Variants in FHIT observed in about 807,000 individuals in gnomAD.
FHIT encodes the protein bis(5'-adenosyl)-triphosphatase.
A neutral mutation model predicts 17.9 loss-of-function variants in FHIT; 19 were observed. The observed-to-expected ratio is 1.06, with a 90% CI of 0.74 to 1.56. The LOEUF (loss-of-function observed/expected upper bound fraction) is 1.56. FHIT is among the 40% of genes most tolerant of loss of function. The probability of loss-of-function intolerance (pLI) is 0.00; values close to 1 mark genes in which losing one functional copy is unlikely to be tolerated. For missense variants in FHIT, 248 were observed against 189.2 expected (o/e 1.31, Z -1.82); for synonymous variants, 81 against 69.7 (o/e 1.16, Z -0.81).
intron 2 of FHIT, among the ~76,000 whole-genome samples, chr3:61,126,620 G>A (rs1166682598): frequency 6.6e-6 from 1 of 152,108 alleles, no homozygotes; most frequent in African/African-American, 2.4e-5. Context: ...TCAACACATG[G>A]GGATTATAAG....
chr3:60,077,950 T>C (rs1042352493), intron 5 of FHIT, among the ~76,000 whole-genome samples: 2 of 152,012 alleles, frequency 1.3e-5, no homozygotes, highest in African/African-American at 2.4e-5. Context: ...GTATCCCATA[T>C]CATACTTTAA....
chr3:61,166,771 C>T (rs1417170754), intron 2 of FHIT, among the ~76,000 whole-genome samples: 3 of 152,184 alleles, frequency 2.0e-5, no homozygotes, highest in African/African-American at 4.8e-5. Flanking sequence ...GTTCATAAAG[C>T]ACCTACTCAT....
chr3:59,808,144 G>T (rs1315672049), intron 8 of FHIT, among the ~76,000 whole-genome samples: 4 of 152,168 alleles, frequency 2.6e-5, no homozygotes, highest in African/African-American at 7.2e-5. Flanking sequence ...CTATCAATTT[G>T]CCTATTATGG....
chr3:59,954,226 TTTTTC>T (rs1052679867), intron 7 of FHIT, among the ~76,000 whole-genome samples: 1 of 150,450 alleles, frequency 6.6e-6, no homozygotes, highest in Non-Finnish European at 1.5e-5. Flanking sequence ...GTTCTGTTTT[TTTTTC>T]TTTTTTTTCC....
At chr3:59,891,457 G>A (rs1703852855) in intron 8 of FHIT, among the ~76,000 whole-genome samples, 1 of 152,190 alleles carries the variant, frequency 6.6e-6, no homozygotes, top group Non-Finnish European at 1.5e-5. Context: ...AACCTGAGAA[G>A]GACTGAGGCT....
chr3:60,690,332 C>T, intron 4 of FHIT: 1 of 568,642 alleles, frequency 1.8e-6, no homozygotes, highest in Non-Finnish European at 3.4e-6. Flanking sequence ...TTCACCCTGC[C>T]AAAGACCACT....
At chr3:60,557,975 A>G (rs1314909564) in intron 4 of FHIT, among the ~76,000 whole-genome samples, 1 of 152,082 alleles carries the variant, frequency 6.6e-6, no homozygotes, top group Non-Finnish European at 1.5e-5. Context: ...TGCTTTCCAA[A>G]AGAGGCAACA....
intron 4 of FHIT, among the ~76,000 whole-genome samples, chr3:60,679,320 T>C (rs1553696210): frequency 6.6e-6 from 1 of 152,190 alleles, no homozygotes; most frequent in African/African-American, 2.4e-5. Flanking sequence ...AAGCTACCTG[T>C]TATGATTGTA....
chr3:59,995,131 A>G (rs1436244419), intron 7 of FHIT, among the ~76,000 whole-genome samples: 1 of 151,778 alleles, frequency 6.6e-6, no homozygotes, highest in East Asian at 1.9e-4. Flanking sequence ...CCTTCTGACA[A>G]TCTTGTCCAG....
At chr3:60,242,078 T>A (rs758186830) in intron 5 of FHIT, among the ~76,000 whole-genome samples, 10 of 152,094 alleles carry the variant, frequency 6.6e-5, no homozygotes, top group Non-Finnish European at 1.3e-4. Context: ...ACTTCATTGA[T>A]TTAGGCCATT....
intron 5 of FHIT, among the ~76,000 whole-genome samples, chr3:60,165,323 G>C (rs1192697441): frequency 2.0e-5 from 3 of 152,208 alleles, no homozygotes; most frequent in African/African-American, 7.2e-5. Flanking sequence ...TCCACCAGAA[G>C]AATGTTTTGT....
intron 7 of FHIT, among the ~76,000 whole-genome samples, chr3:60,001,688 G>T (rs963760610): frequency 1.3e-5 from 2 of 152,150 alleles, no homozygotes; most frequent in African/African-American, 4.8e-5. Flanking sequence ...AAGGTCACTT[G>T]CTCCTCTGGG....
intron 8 of FHIT, among the ~76,000 whole-genome samples, chr3:59,861,973 A>G (rs1239667992): frequency 6.6e-6 from 1 of 152,036 alleles, no homozygotes; most frequent in Admixed American, 6.5e-5. Context: ...TGGATGATGA[A>G]TATAAACAAA....
intron 5 of FHIT, among the ~76,000 whole-genome samples, chr3:60,213,548 T>A (rs1297149227): frequency 6.6e-6 from 1 of 152,150 alleles, no homozygotes; most frequent in Non-Finnish European, 1.5e-5. Context: ...AAGGAGCAGT[T>A]TTCCAATGAA....
intron 5 of FHIT, among the ~76,000 whole-genome samples, chr3:60,508,759 C>T (rs2034833199): frequency 6.6e-6 from 1 of 152,122 alleles, no homozygotes; most frequent in Admixed American, 6.5e-5. Flanking sequence ...TTTTCTTTGA[C>T]ATCTTAAAGT....
At chr3:60,553,981 G>A (rs945416408) in intron 4 of FHIT, among the ~76,000 whole-genome samples, 3 of 152,080 alleles carry the variant, frequency 2.0e-5, no homozygotes, top group Non-Finnish European at 4.4e-5. Flanking sequence ...CAGCTACTTG[G>A]GAGGCTGAGG....
intron 5 of FHIT, among the ~76,000 whole-genome samples, chr3:60,517,306 C>T (rs184963943): frequency 2.0e-4 from 30 of 152,190 alleles, no homozygotes; most frequent in African/African-American, 6.5e-4. Flanking sequence ...TATATTATTG[C>T]CATATATGAT....
intron 5 of FHIT, among the ~76,000 whole-genome samples, chr3:60,091,184 A>T (rs1334812180): frequency 6.6e-6 from 1 of 152,210 alleles, no homozygotes; most frequent in Non-Finnish European, 1.5e-5. Context: ...AGCAGGGATT[A>T]TCAGGCAGGT....
intron 7 of FHIT, among the ~76,000 whole-genome samples, chr3:59,929,480 C>G (rs145440064): frequency 0.09 from 13,245 of 147,700 alleles, 707 homozygotes; most frequent in South Asian, 0.14. Context: ...AAGCGATTCT[C>G]CTGACTCAGC....
Sources: gnomAD v4.1 joint callset for allele counts (sites outside exome capture counted in the v4.1 genomes callset) on GRCh38, gnomAD v4.1.1 for gene constraint, MANE v1.5 for transcripts, NCBI Gene and HGNC (gene_info 2026-07-23, HGNC 2026-07-21) for gene names.